The following ERI3 variants were observed in gnomAD, a reference collection of about 807,000 sequenced individuals.
ERI3 encodes ERI1 exoribonuclease family member 3.
In ERI3, 18 loss-of-function variants were observed where a neutral mutation model predicts 44.4. The observed-to-expected ratio is 0.41, with a 90% CI of 0.28 to 0.60. The LOEUF (loss-of-function observed/expected upper bound fraction) is 0.60, where lower values mean the gene tolerates loss of function less well. Among genes scored for constraint, ERI3 ranks in the 20% least tolerant of loss-of-function variants. The probability of loss-of-function intolerance (pLI) is 0.36; values close to 1 mark genes in which losing one functional copy is unlikely to be tolerated. For synonymous variants in ERI3, 183 were observed against 164.8 expected, an observed-to-expected ratio of 1.11 and a Z score of -0.84; for missense variants, 294 against 435.5, an observed-to-expected ratio of 0.68 and a Z score of 2.89.
chr1:44,343,195 A>C (rs1320378012), intron 2 of ERI3, among the ~76,000 whole-genome samples: 3 of 152,130 alleles, frequency 2.0e-5, no homozygotes, highest in African/African-American at 7.2e-5. Context: ...ACTGGCCAAG[A>C]AACAATGATA....
rs1485397037 is a variant in ERI3, at chr1:44,313,157, C to T, written c.666+12G>A. 1.9e-6 allele frequency: 3 copies of T among 1,613,798 alleles called. No individual in the cohort carries two copies. Among genetic ancestry groups the T allele is most frequent in the Non-Finnish European group, 2.5e-6 (3 of 1,179,704 alleles). On this transcript the variant is annotated intron_variant, in intron 5 of 8. Transcript: ENST00000372257. The stretch of plus-strand genomic sequence containing the variant: ...GGGTCAGAGGTCAGGAATTAAAGGT[C>T]ACTCAACCTACCTCCAGCACTTGCT...
chr1:44,266,900 T>C (rs1367843112), intron 7 of ERI3, among the ~76,000 whole-genome samples: 1 of 152,198 alleles, frequency 6.6e-6, no homozygotes, highest in African/African-American at 2.4e-5. Context: ...CCCTTCCCTC[T>C]CATAGTCTAC....
At chr1:44,239,071 A>C (rs1644376142) in intron 8 of ERI3, among the ~76,000 whole-genome samples, 1 of 133,782 alleles carries the variant, frequency 7.5e-6, no homozygotes, top group African/African-American at 2.9e-5. Context: ...CCTGGTCACT[A>C]CCAACTCTCT....
At chr1:44,313,263 AC>A in intron 4 of ERI3, 35 bp from the exon 5 acceptor site, 1 of 1,607,462 alleles carries the variant, frequency 6.2e-7, no homozygotes, top group Non-Finnish European at 8.5e-7. Context: ...TGGGTAGAAA[AC>A]CAGGGTGAAG....
At chr1:44,345,657 T>A (rs896661867) in intron 2 of ERI3, among the ~76,000 whole-genome samples, 5 of 152,122 alleles carry the variant, frequency 3.3e-5, no homozygotes, top group Non-Finnish European at 4.4e-5. Flanking sequence ...CTCAAGCAGC[T>A]AAAAATAGCC....
intron 6 of ERI3, among the ~76,000 whole-genome samples, chr1:44,288,917 G>A (rs1020311848): frequency 3.3e-5 from 5 of 152,134 alleles, no homozygotes; most frequent in Non-Finnish European, 1.5e-5. Context: ...GTGATTCCAA[G>A]AAAAGAGCCA....
At chr1:44,231,160 G>A (rs554796774) in intron 8 of ERI3, among the ~76,000 whole-genome samples, 12 of 152,054 alleles carry the variant, frequency 7.9e-5, no homozygotes, top group Non-Finnish European at 5.9e-5. Flanking sequence ...TTTTGACGGC[G>A]ACCCATCACA....
intron 8 of ERI3, among the ~76,000 whole-genome samples, chr1:44,224,197 C>G (rs1246226642): frequency 6.6e-6 from 1 of 152,204 alleles, no homozygotes; most frequent in Non-Finnish European, 1.5e-5. Flanking sequence ...AATTCATTCT[C>G]TTACAGCCAA....
In ERI3 at chr1:44,339,060, T is replaced by C. The variant is rs1193918209; in HGVS notation, c.474A>G (p.Pro158=). ...VLDFEATCDK[P]QIHPQEIIEF... is the part of the protein sequence containing the mutation. ...GAACAGTTACCTGAGGATGAATCTG[T>C]GGCTTGTCGCACGTGGCCTCAAAGT... The change falls in exon 3 of 9, where the codon CCA becomes CCG. Residue 158 remains proline, a synonymous_variant. Coordinates refer to ENST00000372257, the MANE Select transcript of ERI3 (RefSeq NM_024066.3). 6.8e-6 allele frequency: 11 copies of C among 1,613,676 alleles called. No individual in the cohort carries two copies. Among genetic ancestry groups the C allele is most frequent in the Non-Finnish European group, 9.3e-6 (11 of 1,179,722 alleles).
At position 44,332,486 on chromosome 1, in the gene ERI3, G is replaced by A. The variant is rs556720534; in HGVS notation, c.489+6559C>T. 3.9e-5 allele frequency among the ~76,000 whole-genome samples: 6 copies of A among 152,270 alleles called. No individual in the cohort carries two copies. The South Asian group carries it at 1.0e-3, about 26-fold the overall frequency. On this transcript the variant is annotated intron_variant, in intron 3 of 8. Coordinates refer to ENST00000372257, the MANE Select transcript of ERI3 (RefSeq NM_024066.3). ...ACTCCACAGCCTGCTACACACCATGGCAGCTTAAAGGTATAAACCCTGGGG... is the reference window on the plus strand; with the variant it reads ...ACTCCACAGCCTGCTACACACCATGACAGCTTAAAGGTATAAACCCTGGGG...
chr1:44,226,454 T>C (rs1644040279), intron 8 of ERI3, among the ~76,000 whole-genome samples: 1 of 152,110 alleles, frequency 6.6e-6, no homozygotes, highest in South Asian at 2.1e-4. Context: ...AATTAGCAGA[T>C]TGTACTATGG....
chr1:44,307,247 A>G (rs1572237305), intron 6 of ERI3, among the ~76,000 whole-genome samples: 2 of 152,236 alleles, frequency 1.3e-5, no homozygotes, highest in East Asian at 3.9e-4. Flanking sequence ...AGCAGGCTTG[A>G]CACCCACCTG....
chr1:44,285,638 A>G (rs915767390), intron 6 of ERI3, among the ~76,000 whole-genome samples: 1 of 152,238 alleles, frequency 6.6e-6, no homozygotes, highest in Admixed American at 6.5e-5. Context: ...ACTCAGACAA[A>G]TCCATTCAAA....
chr1:44,353,693 G>A, intron 1 of ERI3: 1 of 985,420 alleles, frequency 1.0e-6, no homozygotes, highest in Non-Finnish European at 1.2e-6. Context: ...GAAATTTCAA[G>A]TTGGAAGAAA....
chr1:44,248,158 C>T (rs772072089), intron 7 of ERI3, 120 bp from the exon 8 acceptor site: 47 of 620,944 alleles, frequency 7.6e-5, no homozygotes, highest in Non-Finnish European at 1.2e-4. Context: ...ATAATGCCAT[C>T]TCGTGAGAGT....
At chr1:44,353,448 C>T in intron 1 of ERI3, 1 of 985,420 alleles carries the variant, frequency 1.0e-6, no homozygotes, top group Non-Finnish European at 1.2e-6. Context: ...ACCTATCATC[C>T]TTTTCAACTA....
At chr1:44,237,308 T>C (rs138065963) in intron 8 of ERI3, among the ~76,000 whole-genome samples, 89 of 152,270 alleles carry the variant, frequency 5.8e-4, no homozygotes, top group Non-Finnish European at 6.3e-4. Flanking sequence ...TCAGCAAACA[T>C]TTTCTGAATG....
chr1:44,285,270 G>A (rs1645370042), intron 6 of ERI3, among the ~76,000 whole-genome samples: 1 of 152,226 alleles, frequency 6.6e-6, no homozygotes, highest in South Asian at 2.1e-4. Flanking sequence ...GAGAAAATGA[G>A]ATGTAGAGAG....
chr1:44,322,588 C>T, intron 3 of ERI3: 1 of 1,150,972 alleles, frequency 8.7e-7, no homozygotes, highest in East Asian at 2.8e-5. Flanking sequence ...TCCTCCACAA[C>T]ATGAGGAGCT....
Sources: allele counts gnomAD v4.1 joint callset (sites outside exome capture counted in the v4.1 genomes callset), GRCh38; gene constraint gnomAD v4.1.1; transcripts MANE v1.5; gene names NCBI Gene and HGNC (gene_info 2026-07-23, HGNC 2026-07-21).